NGEF: variants seen among roughly 807,000 people sequenced by gnomAD.
The protein encoded by NGEF is ephexin-1.
Under a neutral mutation model 80.9 loss-of-function variants are expected in NGEF, and 31 were observed. The observed-to-expected ratio is 0.38, with a 90% CI of 0.29 to 0.52. The LOEUF is 0.52. NGEF is among the 20% of genes least tolerant of loss of function. NGEF has a pLI of 0.84. For missense variants in NGEF, 709 were observed against 926.2 expected (o/e 0.77, Z 3.04); for synonymous variants, 371 against 370.2 (o/e 1.00, Z -0.03).
chr2:232,896,067 A>G (rs1009151282), intron 5 of NGEF, among the ~76,000 whole-genome samples: 3 of 141,342 alleles, frequency 2.1e-5, no homozygotes, highest in Non-Finnish European at 4.7e-5. Flanking sequence ...GGGCGGGTTC[A>G]GGTCCCACAG....
At chr2:232,911,441 A>G (rs150846869) in intron 5 of NGEF, among the ~76,000 whole-genome samples, 1 of 152,296 alleles carries the variant, frequency 6.6e-6, no homozygotes, top group Non-Finnish European at 1.5e-5. Context: ...ATCAGATAGT[A>G]TGACTCCTCC....
chr2:232,994,901 A>G (rs1694745267), intron 1 of NGEF, among the ~76,000 whole-genome samples: 1 of 148,064 alleles, frequency 6.8e-6, no homozygotes, highest in Non-Finnish European at 1.5e-5. Flanking sequence ...CATATAATAC[A>G]TACATACACA....
intron 3 of NGEF, chr2:232,928,096 G>T (rs1693125085): frequency 9.3e-7 from 1 of 1,074,882 alleles, no homozygotes; most frequent in Non-Finnish European, 1.1e-6. Context: ...GAGCGGGGTC[G>T]CAGCGCGCGC....
chr2:233,002,663 C>A (rs1695004993), intron 1 of NGEF, among the ~76,000 whole-genome samples: 1 of 151,984 alleles, frequency 6.6e-6, no homozygotes, highest in African/African-American at 2.4e-5. Context: ...AGAGAGAGAC[C>A]CTGTCACACA....
At position 233,012,600 on chromosome 2, in the gene NGEF, C is replaced by T. The variant is rs762263681; in HGVS notation, c.-75+468G>A. 19 of 321,326 alleles carry T rather than the reference C, an allele frequency of 5.9e-5. 1 individual carries two copies. Among genetic ancestry groups the T allele is most frequent in the South Asian group, 3.2e-4 (13 of 40,226 alleles). The allele number at this position is 321,326 out of a possible 1,614,324, so 19.9% of individuals were successfully genotyped here. ...ATCAGGGCACTTCCGTTTACATATA[C>T]GCTCATTATCAGGACTGGCGTCGTG... is the stretch of plus-strand genomic sequence containing the variant. On this transcript the variant is annotated intron_variant, in intron 1 of 14. Coordinates refer to ENST00000264051, the MANE Select transcript of NGEF (RefSeq NM_019850.3).
intron 1 of NGEF, among the ~76,000 whole-genome samples, chr2:233,004,299 A>G (rs1695042429): frequency 6.6e-6 from 1 of 151,822 alleles, no homozygotes; most frequent in Non-Finnish European, 1.5e-5. Flanking sequence ...CTGCTTCCCA[A>G]TGACCCCTCC....
At chr2:232,959,782 T>G (rs917714651) in intron 3 of NGEF, among the ~76,000 whole-genome samples, 3 of 152,190 alleles carry the variant, frequency 2.0e-5, no homozygotes, top group Non-Finnish European at 4.4e-5. Flanking sequence ...TTTCTCCATG[T>G]TGGTCAGGCT....
intron 1 of NGEF, among the ~76,000 whole-genome samples, chr2:233,002,712 C>A (rs572050392): frequency 1.3e-5 from 2 of 152,160 alleles, no homozygotes; most frequent in African/African-American, 4.8e-5. Flanking sequence ...AATTGATTGA[C>A]GTTCAGGAAA....
intron 1 of NGEF, among the ~76,000 whole-genome samples, chr2:233,000,594 A>G (rs1226634433): frequency 6.6e-6 from 1 of 151,280 alleles, no homozygotes; most frequent in South Asian, 2.1e-4. Flanking sequence ...CGTCTCTAGT[A>G]AAAAAAATAC....
intron 5 of NGEF, among the ~76,000 whole-genome samples, chr2:232,902,396 C>T (rs1346013775): frequency 6.6e-6 from 1 of 152,170 alleles, no homozygotes; most frequent in African/African-American, 2.4e-5. Flanking sequence ...CTGAGCAGGT[C>T]CCGTGAGCAG....
At position 232,894,865 on chromosome 2, in the gene NGEF, G is replaced by T. The variant is rs974496140; in HGVS notation, c.880C>A (p.Leu294Met). The T allele has an allele frequency of 6.2e-7, 1 of 1,609,974 alleles. No individual in the cohort carries two copies. Among genetic ancestry groups the T allele is most frequent in the African/African-American group, 1.3e-5 (1 of 74,902 alleles). Residue 294 changes from leucine (L) to methionine (M), a missense_variant, in exon 6 of 15, where the codon CTG becomes ATG. By Grantham distance (15) the Leu-to-Met change is conservative (BLOSUM62 2). Coordinates refer to ENST00000264051, the MANE Select transcript of NGEF (RefSeq NM_019850.3). The stretch of plus-strand genomic sequence containing the variant: ...TTCTCCATGAAGTGGGACACGAGCA[G>T]GTTCAGACTCTTGTAGTAGGACGCC... ...SEASYYKSLNLLVSHFMENER... is the reference protein window; with the variant it reads ...SEASYYKSLNMLVSHFMENER...
rs749285120 is a variant in NGEF at position 232,893,027 on chromosome 2, C to T, written c.1013G>A (p.Arg338Gln). The T allele has an allele frequency of 1.9e-6, 3 of 1,612,918 alleles. No individual in the cohort carries two copies. Among genetic ancestry groups the T allele is most frequent in the African/African-American group, 1.3e-5 (1 of 75,064 alleles). ...SERFLLELEHRMEENIVISDV... is the reference protein window; with the variant it reads ...SERFLLELEHQMEENIVISDV... ...AGAGATGACGATGTTCTCCTCCATC[C>T]GGTGCTCCAGCTCCAGGAGGAACCT... The change falls in exon 7 of 15, where the codon CGG (arginine) becomes CAG (glutamine). Residue 338 changes from arginine to glutamine, a missense_variant. Arg to Gln is a conservative substitution (Grantham distance 43). Transcript: ENST00000264051.
intron 1 of NGEF, among the ~76,000 whole-genome samples, chr2:233,008,165 T>A (rs771142159): frequency 1.3e-5 from 2 of 152,222 alleles, no homozygotes; most frequent in Non-Finnish European, 2.9e-5. Context: ...TTGGTGGGAT[T>A]TAATAGGAAT....
intron 3 of NGEF, among the ~76,000 whole-genome samples, chr2:232,959,215 T>C (rs1693894948): frequency 6.6e-6 from 1 of 152,202 alleles, no homozygotes. Flanking sequence ...GGGGCATTTA[T>C]CCTGTTTGGA....
rs564991200 is a variant in NGEF, at chr2:232,896,376, G to T, written c.829-1460C>A. 2.2e-4 allele frequency among the ~76,000 whole-genome samples: 33 copies of T among 152,218 alleles called. 1 individual carries two copies. Among genetic ancestry groups the T allele is most frequent in the Admixed American group, 2.1e-3 (32 of 15,292 alleles). On this transcript the variant is annotated intron_variant, in intron 5 of 14. Transcript: ENST00000264051. ...ACCAGCAGTTGGAGTTGGCCAGAAG[G>T]ATCCTCTGCAGAGCTGTCAGAGGGA...
chr2:232,918,564 A>G (rs1259088214), intron 5 of NGEF, among the ~76,000 whole-genome samples: 1 of 149,476 alleles, frequency 6.7e-6, no homozygotes, highest in East Asian at 2.0e-4. Flanking sequence ...CTCTCCTTTT[A>G]GCTTTGCTTA....
chr2:232,973,650 C>T (rs2106323214), intron 2 of NGEF, among the ~76,000 whole-genome samples: 1 of 152,322 alleles, frequency 6.6e-6, no homozygotes, highest in African/African-American at 2.4e-5. Flanking sequence ...CAGGCAGTCC[C>T]AGTTCACAGA....
intron 1 of NGEF, among the ~76,000 whole-genome samples, chr2:233,003,921 G>A (rs571325395): frequency 1.3e-5 from 2 of 152,268 alleles, no homozygotes; most frequent in South Asian, 4.1e-4. Context: ...CCCTTGTTGT[G>A]TGGCCCCTGA....
intron 3 of NGEF, among the ~76,000 whole-genome samples, chr2:232,932,576 A>T (rs1366888031): frequency 6.6e-6 from 1 of 152,120 alleles, no homozygotes; most frequent in Non-Finnish European, 1.5e-5. Flanking sequence ...CATTTTTAGC[A>T]GTACCTTCAC....
Sources: gnomAD v4.1 joint callset for allele counts (sites outside exome capture counted in the v4.1 genomes callset) on GRCh38, gnomAD v4.1.1 for gene constraint, MANE v1.5 for transcripts, NCBI Gene and HGNC (gene_info 2026-07-23, HGNC 2026-07-21) for gene names.